The following JMJD1C variants were observed in gnomAD, a reference collection of about 807,000 sequenced individuals.
JMJD1C encodes jumonji domain-containing protein 1C.
In JMJD1C, 31 loss-of-function variants were observed where a neutral mutation model predicts 245.3. The ratio of observed to expected loss-of-function variants is 0.13; its 90% CI spans 0.09 to 0.17. JMJD1C has a LOEUF of 0.17. Ranked by LOEUF, JMJD1C falls within the 10% of genes least tolerant of loss-of-function variation. The pLI is 1.00. For missense variants in JMJD1C, 2,691 were observed against 3,000.2 expected (o/e 0.90, Z 2.41); for synonymous variants, 1,057 against 1,017.4 (o/e 1.04, Z -0.74).
intron 1 of JMJD1C, among the ~76,000 whole-genome samples, chr10:63,486,027 G>A (rs964760110): frequency 6.6e-6 from 1 of 151,652 alleles, no homozygotes; most frequent in Non-Finnish European, 1.5e-5. Flanking sequence ...CCAGGATTGG[G>A]GTCAGGGAAG....
chr10:63,333,209 C>G (rs1431643011), intron 2 of JMJD1C, among the ~76,000 whole-genome samples: 1 of 152,110 alleles, frequency 6.6e-6, no homozygotes, highest in Non-Finnish European at 1.5e-5. Flanking sequence ...AAACAAATCA[C>G]ATAATACAGC....
At chr10:63,387,597 A>C (rs1435891836) in intron 1 of JMJD1C, among the ~76,000 whole-genome samples, 1 of 149,594 alleles carries the variant, frequency 6.7e-6, no homozygotes, top group East Asian at 2.0e-4. Flanking sequence ...ACCTTTTGAA[A>C]TAACCCAGTC....
intron 1 of JMJD1C, among the ~76,000 whole-genome samples, chr10:63,422,650 T>C (rs1239591498): frequency 6.6e-6 from 1 of 152,152 alleles, no homozygotes. Context: ...CCAAACTATA[T>C]GCTACTTTTT....
At chr10:63,284,869 A>T (rs1419059004) in intron 2 of JMJD1C, among the ~76,000 whole-genome samples, 4 of 109,894 alleles carry the variant, frequency 3.6e-5, no homozygotes, top group Non-Finnish European at 7.5e-5. Flanking sequence ...ACACACACAC[A>T]CACACACACA....
At chr10:63,481,184 A>G (rs992695583) in intron 1 of JMJD1C, among the ~76,000 whole-genome samples, 2 of 152,224 alleles carry the variant, frequency 1.3e-5, no homozygotes, top group Non-Finnish European at 2.9e-5. Flanking sequence ...TACTGCTAAT[A>G]AATGAAGTTC....
At chr10:63,197,709 A>G in intron 12 of JMJD1C, 146 bp from the exon 13 acceptor site, 1 of 617,994 alleles carries the variant, frequency 1.6e-6, no homozygotes, top group Non-Finnish European at 2.6e-6. Flanking sequence ...GCTTTCTTGA[A>G]GTAATTTGTA....
At chr10:63,375,886 T>C (rs1946701436) in intron 2 of JMJD1C, among the ~76,000 whole-genome samples, 1 of 152,010 alleles carries the variant, frequency 6.6e-6, no homozygotes, top group Non-Finnish European at 1.5e-5. Context: ...ACAGATTCAA[T>C]TCAATCCCTA....
intron 3 of JMJD1C, among the ~76,000 whole-genome samples, chr10:63,252,420 A>AG (rs1244275103): frequency 6.6e-6 from 1 of 152,152 alleles, no homozygotes; most frequent in Non-Finnish European, 1.5e-5. Context: ...GAAGGCCTTA[A>AG]GAAAAAAGAC....
In JMJD1C at chr10:63,465,643, G is replaced by A; in HGVS notation, c.20C>T (p.Ala7Val). ...CAGGAACCGCTTACCCACCAGCTCT[G>A]CCCGCGTCTCTACCGCCATAGCTGT... MAVETR[A>V]ELVGKRFLCV... Residue 7 changes from alanine (A) to valine (V), a missense_variant, in exon 1 of 26, where the codon GCA becomes GTA. Ala to Val is a moderately conservative substitution (Grantham distance 64). This residue lies in a region of JMJD1C where 135 missense variants were observed against 115.5 expected (regional missense o/e 1.17). Coordinates refer to ENST00000399262, the MANE Select transcript of JMJD1C (RefSeq NM_032776.3). 1.9e-6 allele frequency: 3 copies of A among 1,609,448 alleles called. No homozygotes were observed. Among genetic ancestry groups the A allele is most frequent in the African/African-American group, 1.3e-5 (1 of 75,024 alleles).
chr10:63,174,693 C>T (rs944977220), intron 24 of JMJD1C, among the ~76,000 whole-genome samples: 5 of 151,732 alleles, frequency 3.3e-5, no homozygotes, highest in Non-Finnish European at 5.9e-5. Context: ...ATTAGACAGG[C>T]GTGGTGGTGC....
chr10:63,288,785 A>C (rs890823819), intron 2 of JMJD1C, among the ~76,000 whole-genome samples: 1 of 151,942 alleles, frequency 6.6e-6, no homozygotes, highest in Admixed American at 6.6e-5. Flanking sequence ...AGGCTGAGGC[A>C]TAAGAATTGC....
rs189270562 is a variant in JMJD1C, at chr10:63,503,712, T to C, written n.113+18026A>G. Among the ~76,000 whole-genome samples the C allele has an allele frequency of 5.3e-3, 813 of 152,344 alleles. 3 individuals are homozygous for C. Among genetic ancestry groups the C allele is most frequent in the Non-Finnish European group, 7.0e-3 (476 of 68,024 alleles). On this transcript the variant is annotated intron_variant and non_coding_transcript_variant, in intron 1 of 3. Coordinates refer to the JMJD1C transcript ENST00000633035. The stretch of plus-strand genomic sequence containing the variant: ...ACTCAACATTATTCTTTGCTGTGAA[T>C]CCAGAGCAATTTTTCTTCCCATTTA...
intron 1 of JMJD1C, among the ~76,000 whole-genome samples, chr10:63,410,436 G>A (rs1233056233): frequency 1.3e-5 from 2 of 152,124 alleles, no homozygotes; most frequent in Admixed American, 1.3e-4. Flanking sequence ...AGGAAATGAA[G>A]AGTGAGTGAG....
chr10:63,465,272 A>C, intron 1 of JMJD1C: 4 of 519,832 alleles, frequency 7.7e-6, no homozygotes, highest in Non-Finnish European at 6.7e-6. Context: ...CTCCGCGGCT[A>C]TCCCGGGAGT....
chr10:63,203,193 ACTC>A, intron 10 of JMJD1C: 2 of 984,830 alleles, frequency 2.0e-6, no homozygotes, highest in South Asian at 9.4e-5. Context: ...ACTGCAACTA[ACTC>A]CTTTTATGAA....
At chr10:63,340,929 G>A (rs1466209538) in intron 2 of JMJD1C, among the ~76,000 whole-genome samples, 1 of 152,074 alleles carries the variant, frequency 6.6e-6, no homozygotes, top group African/African-American at 2.4e-5. Context: ...TGGGCGAAAA[G>A]AGCAAGACTC....
chr10:63,385,322 T>C (rs908013748), intron 1 of JMJD1C, among the ~76,000 whole-genome samples: 1 of 149,234 alleles, frequency 6.7e-6, no homozygotes, highest in African/African-American at 2.5e-5. Context: ...AACAGACCCA[T>C]GAAAATATTT....
At chr10:63,278,189 G>C (rs1857005299) in intron 2 of JMJD1C, among the ~76,000 whole-genome samples, 3 of 151,866 alleles carry the variant, frequency 2.0e-5, no homozygotes. Flanking sequence ...GTGGGTTAAA[G>C]AGTACTGATT....
intron 2 of JMJD1C, among the ~76,000 whole-genome samples, chr10:63,275,344 A>C (rs1004145112): frequency 6.6e-6 from 1 of 152,246 alleles, no homozygotes; most frequent in Non-Finnish European, 1.5e-5. Flanking sequence ...ATGGAGAAAA[A>C]TGAAGCCTGT....
Sources: allele counts gnomAD v4.1 joint callset (sites outside exome capture counted in the v4.1 genomes callset), GRCh38; gene constraint gnomAD v4.1.1; regional missense constraint gnomAD v4.1.1; transcripts MANE v1.5; gene names NCBI Gene and HGNC (gene_info 2026-07-23, HGNC 2026-07-21).